The following FANCL variants were observed in gnomAD, a reference collection of about 807,000 sequenced individuals.
FANCL encodes E3 ubiquitin-protein ligase FANCL.
FANCL carries 69 observed loss-of-function variants against 59.4 expected under a neutral mutation model. That is an observed-to-expected ratio of 1.16 (90% CI 0.96 to 1.42). FANCL has a LOEUF of 1.42. Ranked by LOEUF, FANCL falls within the 40% of genes most tolerant of loss-of-function variation. The pLI is 0.00. For missense variants in FANCL, 519 were observed against 447.2 expected, an observed-to-expected ratio of 1.16 and a Z score of -1.45; for synonymous variants, 180 against 147.1, an observed-to-expected ratio of 1.22 and a Z score of -1.62.
intron 5 of FANCL, among the ~76,000 whole-genome samples, chr2:58,205,014 G>A (rs1452062573): frequency 2.0e-5 from 3 of 151,998 alleles, no homozygotes; most frequent in Non-Finnish European, 4.4e-5. Context: ...ATTTACTAGT[G>A]AACTGGGCAT....
chr2:58,200,539 A>C (rs929885364), intron 6 of FANCL, among the ~76,000 whole-genome samples: 4 of 152,068 alleles, frequency 2.6e-5, no homozygotes, highest in African/African-American at 9.6e-5. Flanking sequence ...CAACTCTCTA[A>C]CTTCAATGAA....
intron 11 of FANCL, 70 bp from the exon 12 acceptor site, chr2:58,161,708 G>A: frequency 9.9e-7 from 1 of 1,010,500 alleles, no homozygotes. Context: ...TATTTGGGAG[G>A]GTATGTGTGA....
In FANCL at chr2:58,241,278, G is replaced by C; in HGVS notation, c.36C>G (p.Cys12Trp). 1.9e-6 allele frequency: 3 copies of C among 1,614,260 alleles called. No individual in the cohort carries two copies. The highest frequency in any genetic ancestry group is 2.5e-6 in the Non-Finnish European group (3 of 1,180,048). ...ACCGGTTCTGGGGCAGAAGCAGGGG[G>C]CACTGGCGCAACAGGCTCGCTTCCG... Reference protein sequence around the residue: ...AVTEASLLRQCPLLLPQNRSK... With the variant: ...AVTEASLLRQWPLLLPQNRSK... Residue 12 changes from cysteine to tryptophan, a missense_variant, in exon 1 of 14, where the codon TGC (cysteine) becomes TGG (tryptophan). Coordinates refer to ENST00000233741, the MANE Select transcript of FANCL (RefSeq NM_018062.4).
At chr2:58,207,944 A>G (rs1255049342) in intron 5 of FANCL, among the ~76,000 whole-genome samples, 1 of 152,130 alleles carries the variant, frequency 6.6e-6, no homozygotes, top group African/African-American at 2.4e-5. Flanking sequence ...CTGTAGTTCC[A>G]GCTATTCAGG....
At chr2:58,191,050 T>A (rs1227591732) in intron 7 of FANCL, among the ~76,000 whole-genome samples, 1 of 151,720 alleles carries the variant, frequency 6.6e-6, no homozygotes, top group Non-Finnish European at 1.5e-5. Context: ...AATGAAGGTT[T>A]AAAACTTATA....
chr2:58,189,021 T>G (rs1688675213), intron 7 of FANCL, among the ~76,000 whole-genome samples: 1 of 152,154 alleles, frequency 6.6e-6, no homozygotes, highest in Admixed American at 6.6e-5. Context: ...TACCCAGAAT[T>G]ATATAAGATT....
chr2:58,178,395 G>T (rs1037845806), intron 7 of FANCL, among the ~76,000 whole-genome samples: 1 of 151,972 alleles, frequency 6.6e-6, no homozygotes, highest in Non-Finnish European at 1.5e-5. Context: ...GATCAAGTTG[G>T]TTTCAACCCT....
At position 58,217,558 on chromosome 2, in the gene FANCL, A is replaced by G. The variant is rs538283124; in HGVS notation, c.374+4384T>C. On this transcript the variant is annotated intron_variant, in intron 5 of 13. Transcript: ENST00000233741. Reference sequence around the variant, plus strand: ...TAACTAATTAGCTTGTGTAGTTATAACAAAGTAGACATTAAGACAAGAATA... The same window carrying G: ...TAACTAATTAGCTTGTGTAGTTATAGCAAAGTAGACATTAAGACAAGAATA... 3.9e-5 allele frequency among the ~76,000 whole-genome samples: 6 copies of G among 152,168 alleles called. No individual in the cohort carries two copies. The South Asian group carries it at 6.2e-4, about 16-fold the overall frequency.
At position 58,177,569 on chromosome 2, in the gene FANCL, G is replaced by A. The variant is rs575700280; in HGVS notation, c.541-11695C>T. Among the ~76,000 whole-genome samples the A allele has an allele frequency of 4.9e-3, 701 of 142,552 alleles. 8 individuals carry two copies. Among genetic ancestry groups the A allele is most frequent in the African/African-American group, 0.017 (665 of 38,340 alleles). The allele number at this position is 142,552 out of a possible 152,430, so 93.5% of individuals were successfully genotyped here. On this transcript the variant is annotated intron_variant, in intron 7 of 13. Coordinates refer to ENST00000233741, the MANE Select transcript of FANCL (RefSeq NM_018062.4). ...CACCGCATATTCTCACTCATAGGTG[G>A]GAATTGAACAATGAGAACACATGGA...
At chr2:58,170,268 T>A (rs967768634) in intron 7 of FANCL, among the ~76,000 whole-genome samples, 3 of 152,148 alleles carry the variant, frequency 2.0e-5, no homozygotes, top group Admixed American at 6.5e-5. Context: ...AAACTAGAAT[T>A]TCCTATCCCG....
intron 7 of FANCL, among the ~76,000 whole-genome samples, chr2:58,182,493 A>G (rs1336930298): frequency 6.6e-6 from 1 of 152,014 alleles, no homozygotes; most frequent in Non-Finnish European, 1.5e-5. Flanking sequence ...TAATGTTTAA[A>G]ATAATATTCT....
rs187461749 is a variant in FANCL at position 58,240,661 on chromosome 2, G to A, written c.96+557C>T. 1.1e-3 allele frequency among the ~76,000 whole-genome samples: 173 copies of A among 152,306 alleles called. 1 individual carries two copies. Among genetic ancestry groups the A allele is most frequent in the African/African-American group, 4.0e-3 (166 of 41,568 alleles). The stretch of plus-strand genomic sequence containing the variant: ...TATGTGTAATAAACTCCATATGAGA[G>A]GCCACTGGAATCAGCAAAGTTAATT... On this transcript the variant is annotated intron_variant, in intron 1 of 13. Transcript: ENST00000233741.
At chr2:58,171,964 G>T (rs1189530274) in intron 7 of FANCL, among the ~76,000 whole-genome samples, 1 of 152,252 alleles carries the variant, frequency 6.6e-6, no homozygotes, top group East Asian at 1.9e-4. Flanking sequence ...ATCCCGCTTG[G>T]AGAGTCCTAC....
At chr2:58,163,817 A>C (rs934703224) in intron 8 of FANCL, among the ~76,000 whole-genome samples, 4 of 152,014 alleles carry the variant, frequency 2.6e-5, no homozygotes, top group Admixed American at 2.6e-4. Context: ...GGAGTGATAA[A>C]GGTCTTTAAT....
intron 5 of FANCL, among the ~76,000 whole-genome samples, chr2:58,217,184 A>ATTT (rs1558806547): frequency 0.016 from 60 of 3,830 alleles, no homozygotes; most frequent in African/African-American, 0.066. Context: ...ATATATATAT[A>ATTT]TATATATATA....
intron 7 of FANCL, among the ~76,000 whole-genome samples, chr2:58,175,743 C>T (rs1245643780): frequency 2.8e-4 from 42 of 152,178 alleles, no homozygotes; most frequent in Non-Finnish European, 2.9e-5. Flanking sequence ...TGCCCTCTCT[C>T]ACCACTCCTA....
At chr2:58,163,872 A>T (rs1685583768) in intron 8 of FANCL, among the ~76,000 whole-genome samples, 1 of 151,988 alleles carries the variant, frequency 6.6e-6, no homozygotes, top group Non-Finnish European at 1.5e-5. Flanking sequence ...AACTATCTAA[A>T]TTATTTTTCA....
chr2:58,218,724 T>G (rs1692100182), intron 5 of FANCL, among the ~76,000 whole-genome samples: 1 of 151,994 alleles, frequency 6.6e-6, no homozygotes. Flanking sequence ...ATACTGCAAC[T>G]GAACAATTAA....
chr2:58,187,290 T>C (rs1320171276), intron 7 of FANCL, among the ~76,000 whole-genome samples: 3 of 151,940 alleles, frequency 2.0e-5, no homozygotes, highest in East Asian at 1.9e-4. Flanking sequence ...CTGGAAACTA[T>C]CATTCTCAGC....
Sources: allele counts gnomAD v4.1 joint callset (sites outside exome capture counted in the v4.1 genomes callset), GRCh38; gene constraint gnomAD v4.1.1; transcripts MANE v1.5; gene names NCBI Gene and HGNC (gene_info 2026-07-23, HGNC 2026-07-21).